The following PPP2R5E variants were observed in gnomAD, a reference collection of about 807,000 sequenced individuals.
PPP2R5E encodes protein phosphatase 2 regulatory subunit B'epsilon.
In PPP2R5E, 4 loss-of-function variants were observed where a neutral mutation model predicts 65.3. The ratio of observed to expected loss-of-function variants is 0.06; its 90% CI spans 0.03 to 0.14. The LOEUF is 0.14. Ranked by LOEUF, PPP2R5E falls within the 10% of genes least tolerant of loss-of-function variation. The pLI, the probability that PPP2R5E is intolerant of heterozygous loss-of-function variation, is 1.00. For synonymous variants in PPP2R5E, 183 were observed against 187.4 expected, an observed-to-expected ratio of 0.98 and a Z score of 0.19; for missense variants, 274 against 556.1, an observed-to-expected ratio of 0.49 and a Z score of 5.10.
At chr14:63,404,015 T>C (rs1161893131) in intron 5 of PPP2R5E, among the ~76,000 whole-genome samples, 1 of 152,202 alleles carries the variant, frequency 6.6e-6, no homozygotes. Context: ...AGTATAAGCA[T>C]GCTGTTTAGA....
chr14:63,454,371 T>C (rs1889009683), intron 2 of PPP2R5E, among the ~76,000 whole-genome samples: 1 of 152,238 alleles, frequency 6.6e-6, no homozygotes, highest in African/African-American at 2.4e-5. Flanking sequence ...TATTTTTTTG[T>C]TTTGTTTTGG....
chr14:63,448,069 G>A (rs993439759), intron 3 of PPP2R5E, among the ~76,000 whole-genome samples: 3 of 152,142 alleles, frequency 2.0e-5, no homozygotes, highest in African/African-American at 7.2e-5. Flanking sequence ...AGGCCAAGGT[G>A]GGTGGATCAC....
intron 2 of PPP2R5E, among the ~76,000 whole-genome samples, chr14:63,474,483 A>G (rs1890295141): frequency 6.6e-6 from 1 of 152,112 alleles, no homozygotes; most frequent in South Asian, 2.1e-4. Context: ...TACAAGACCA[A>G]AGTCTGAAAA....
Position 63,499,354 on chromosome 14 carries a change from G to A in PPP2R5E, c.157+40175C>T, listed in dbSNP as rs150761500. Among the ~76,000 whole-genome samples the A allele has an allele frequency of 1.4e-4, 22 of 152,278 alleles. No individual in the cohort carries two copies. The South Asian group carries it at 4.6e-3, about 32-fold the overall frequency. On this transcript the variant is annotated intron_variant, in intron 2 of 13. Transcript: ENST00000337537. ...ACTAGAAGGGCTATGGCAGTAATAA[G>A]GATGAGAAAAAGAGCAGCAAAAACA...
intron 8 of PPP2R5E, among the ~76,000 whole-genome samples, chr14:63,393,015 T>C (rs182464337): frequency 6.6e-6 from 1 of 151,278 alleles, no homozygotes; most frequent in Non-Finnish European, 1.5e-5. Flanking sequence ...AAAAAAAAAA[T>C]GTGAAAATAC....
rs746635469 is a variant in PPP2R5E, at chr14:63,389,663, T to C, written c.1023A>G (p.Gln341=). 86 of 1,612,700 alleles carry C rather than the reference T, an allele frequency of 5.3e-5. No homozygotes were observed. The highest frequency in any genetic ancestry group is 1.7e-4 in the Middle Eastern group (1 of 5,778). ...VIEPSQFVKI[Q]EPLFKQIAKC... is the part of the protein sequence containing the mutation. ...TGGCGATTTGTTTAAACAAAGGTTC[T>C]TGGATTTTAACAAATTGTGAAGGTT... is the stretch of plus-strand genomic sequence containing the variant. Residue 341 remains glutamine, a synonymous_variant, in exon 11 of 14, where the codon CAA becomes CAG. Transcript: ENST00000337537.
At chr14:63,538,727 T>C (rs1893771963) in intron 2 of PPP2R5E, among the ~76,000 whole-genome samples, 1 of 151,716 alleles carries the variant, frequency 6.6e-6, no homozygotes, top group African/African-American at 2.4e-5. Context: ...GGCAGATCAC[T>C]TGGGGTCAGG....
At position 63,414,106 on chromosome 14, in the gene PPP2R5E, C is replaced by G. The variant is rs76181814; in HGVS notation, c.549+1034G>C. On this transcript the variant is annotated intron_variant, in intron 5 of 13. Transcript: ENST00000337537. ...CTTGCCTGACCCTGTTGGATTGAACCCTATGAAACTGCTGTTTTGAGTGTC... is the reference window on the plus strand; with the variant it reads ...CTTGCCTGACCCTGTTGGATTGAACGCTATGAAACTGCTGTTTTGAGTGTC... 5.3e-3 allele frequency among the ~76,000 whole-genome samples: 813 copies of G among 152,182 alleles called. 11 individuals carry two copies. The highest frequency in any genetic ancestry group is 0.018 in the African/African-American group (758 of 41,520).
At chr14:63,527,719 C>T (rs540796007) in intron 2 of PPP2R5E, among the ~76,000 whole-genome samples, 25 of 152,124 alleles carry the variant, frequency 1.6e-4, no homozygotes, top group African/African-American at 5.1e-4. Context: ...GCGAATCACA[C>T]GGTCAGGAGT....
chr14:63,411,267 A>C (rs551092428), intron 5 of PPP2R5E, among the ~76,000 whole-genome samples: 1 of 152,354 alleles, frequency 6.6e-6, no homozygotes, highest in South Asian at 2.1e-4. Context: ...AGGAAGGATG[A>C]TAATATACTA....
At chr14:63,465,450 C>CA (rs1171345415) in intron 2 of PPP2R5E, among the ~76,000 whole-genome samples, 5,694 of 47,330 alleles carry the variant, frequency 0.12, 182 homozygotes, top group African/African-American at 0.16. Flanking sequence ...TCCACCTCTA[C>CA]AAAAAAAAAA....
chr14:63,415,214 T>C lies in PPP2R5E; in HGVS notation c.475A>G (p.Ile159Val). Residue 159 changes from isoleucine (I) to valine (V), a missense_variant, in exon 5 of 14, where the codon ATA becomes GTA. Transcript: ENST00000337537. ...PHLQLVYEFFIRFLESQEFQP... is the reference protein window; with the variant it reads ...PHLQLVYEFFVRFLESQEFQP... ...AATTCTTGGCTTTCCAAAAATCGTATGAAAAATTCATATACAAGCTGCAAC... is the reference window on the plus strand; with the variant it reads ...AATTCTTGGCTTTCCAAAAATCGTACGAAAAATTCATATACAAGCTGCAAC... 1.2e-6 allele frequency: 2 copies of C among 1,601,380 alleles called. No homozygotes were observed. The highest frequency in any genetic ancestry group is 1.7e-6 in the Non-Finnish European group (2 of 1,169,474).
At position 63,518,735 on chromosome 14, in the gene PPP2R5E, C is replaced by G. The variant is rs1301372755; in HGVS notation, c.157+20794G>C. On this transcript the variant is annotated intron_variant, in intron 2 of 13. Coordinates refer to ENST00000337537, the MANE Select transcript of PPP2R5E (RefSeq NM_006246.5). Reference sequence around the variant, plus strand: ...ATGACAAGAGAACTTTTTAAAATTCCAACTCCAACAATAAGACTACCTCAA... The same window carrying G: ...ATGACAAGAGAACTTTTTAAAATTCGAACTCCAACAATAAGACTACCTCAA... 1.1e-4 allele frequency among the ~76,000 whole-genome samples: 17 copies of G among 152,068 alleles called. No homozygotes were observed. In the East Asian group the frequency reaches 2.7e-3, roughly 24 times the overall value.
chr14:63,462,903 G>A (rs1255826700), intron 2 of PPP2R5E, among the ~76,000 whole-genome samples: 2 of 151,762 alleles, frequency 1.3e-5, no homozygotes, highest in Non-Finnish European at 2.9e-5. Context: ...GGGAGTTCGA[G>A]ACCAGCCTGA....
chr14:63,530,680 G>C (rs1206064054), intron 2 of PPP2R5E, among the ~76,000 whole-genome samples: 1 of 130,572 alleles, frequency 7.7e-6, no homozygotes, highest in African/African-American at 3.0e-5. Context: ...CTGTCACCCA[G>C]GCTGGAGTGC....
chr14:63,541,691 G>C (rs1424458375), intron 1 of PPP2R5E, among the ~76,000 whole-genome samples: 1 of 152,070 alleles, frequency 6.6e-6, no homozygotes, highest in Non-Finnish European at 1.5e-5. Flanking sequence ...ATTTCTTCCT[G>C]AACACGTGAG....
intron 2 of PPP2R5E, among the ~76,000 whole-genome samples, chr14:63,490,881 G>A (rs747594483): frequency 9.9e-5 from 15 of 151,886 alleles, no homozygotes; most frequent in East Asian, 1.9e-4. Flanking sequence ...TTCCATTACC[G>A]GATATATACC....
At position 63,494,766 on chromosome 14, in the gene PPP2R5E, G is replaced by A. The variant is rs116116763; in HGVS notation, c.158-40881C>T. Among the ~76,000 whole-genome samples, 1,014 of 151,990 alleles carry A rather than the reference G, an allele frequency of 6.7e-3. 12 individuals are homozygous for A. Among genetic ancestry groups the A allele is most frequent in the African/African-American group, 0.023 (940 of 41,486 alleles). On this transcript the variant is annotated intron_variant, in intron 2 of 13. Transcript: ENST00000337537. Reference sequence around the variant, plus strand: ...AAAAACTAGCCAAGCATGGTGGTGCGTGCCTGTAGTTACCTAGCTACTTGG... The same window carrying A: ...AAAAACTAGCCAAGCATGGTGGTGCATGCCTGTAGTTACCTAGCTACTTGG...
At chr14:63,377,737 A>G (rs1046494550) in intron 13 of PPP2R5E, among the ~76,000 whole-genome samples, 2 of 152,208 alleles carry the variant, frequency 1.3e-5, no homozygotes, top group Non-Finnish European at 2.9e-5. Flanking sequence ...CACAATATAA[A>G]TTTCAGTAAG....
Sources: gnomAD v4.1 joint callset for allele counts (sites outside exome capture counted in the v4.1 genomes callset) on GRCh38, gnomAD v4.1.1 for gene constraint, MANE v1.5 for transcripts, NCBI Gene and HGNC (gene_info 2026-07-23, HGNC 2026-07-21) for gene names.